Variants in CSMD1 observed in about 807,000 individuals in gnomAD.
The protein encoded by CSMD1 is CUB and sushi domain-containing protein 1.
CSMD1 carries 213 observed loss-of-function variants against 417.5 expected under a neutral mutation model. That is an observed-to-expected ratio of 0.51 (90% CI 0.46 to 0.57). The LOEUF (loss-of-function observed/expected upper bound fraction) is 0.57. Ranked by LOEUF, CSMD1 falls within the 20% of genes least tolerant of loss-of-function variation. CSMD1 has a pLI of 0.00. For missense variants in CSMD1, 6,923 were observed against 4,529.7 expected (o/e 1.53, Z -15.17); for synonymous variants, 2,862 against 1,736.8 (o/e 1.65, Z -16.11).
At chr8:4,494,828 TAG>T (rs1187760023) in intron 2 of CSMD1, among the ~76,000 whole-genome samples, 1 of 152,108 alleles carries the variant, frequency 6.6e-6, no homozygotes, top group African/African-American at 2.4e-5. Flanking sequence ...AGAATAAACT[TAG>T]AAAATAGAGT....
intron 18 of CSMD1, among the ~76,000 whole-genome samples, chr8:3,382,374 AC>A (rs566120140): frequency 2.7e-5 from 4 of 145,748 alleles, no homozygotes; most frequent in African/African-American, 9.9e-5. Flanking sequence ...CATTCCAATA[AC>A]TTTAGTAATT....
chr8:3,707,315 C>A (rs1801225728), intron 7 of CSMD1, among the ~76,000 whole-genome samples: 1 of 138,434 alleles, frequency 7.2e-6, no homozygotes, highest in African/African-American at 2.6e-5. Context: ...CAGAATTGAC[C>A]CGAGAGGGTT....
At chr8:3,546,787 G>C (rs186750695) in intron 10 of CSMD1, among the ~76,000 whole-genome samples, 1 of 152,188 alleles carries the variant, frequency 6.6e-6, no homozygotes, top group African/African-American at 2.4e-5. Context: ...TTTTGAACAG[G>C]ATTCTGCAGC....
At chr8:2,947,412 C>A (rs1039633595) in intron 68 of CSMD1, among the ~76,000 whole-genome samples, 1 of 152,128 alleles carries the variant, frequency 6.6e-6, no homozygotes, top group Non-Finnish European at 1.5e-5. Context: ...TACGTAAACA[C>A]AAACTTTTCT....
At chr8:3,470,902 G>C (rs1438016851) in intron 11 of CSMD1, among the ~76,000 whole-genome samples, 1 of 152,168 alleles carries the variant, frequency 6.6e-6, no homozygotes, top group Non-Finnish European at 1.5e-5. Context: ...ATATACCACA[G>C]CTTGCTTAAT....
chr8:3,912,917 G>C (rs1479623196), intron 5 of CSMD1, among the ~76,000 whole-genome samples: 2 of 152,182 alleles, frequency 1.3e-5, no homozygotes, highest in Admixed American at 1.3e-4. Context: ...AGCTATGGTG[G>C]TCATTCAGGT....
At chr8:4,654,381 C>A (rs1804095497) in intron 1 of CSMD1, among the ~76,000 whole-genome samples, 1 of 152,098 alleles carries the variant, frequency 6.6e-6, no homozygotes, top group Non-Finnish European at 1.5e-5. Context: ...GGTCTCCACC[C>A]CTCTGATGCT....
intron 1 of CSMD1, among the ~76,000 whole-genome samples, chr8:4,916,345 T>C (rs905149277): frequency 3.9e-5 from 6 of 152,186 alleles, no homozygotes; most frequent in Admixed American, 2.6e-4. Flanking sequence ...AACTTTTAAA[T>C]ATGGCAAAAC....
At chr8:3,425,404 A>G (rs1166541275) in intron 12 of CSMD1, among the ~76,000 whole-genome samples, 1 of 151,944 alleles carries the variant, frequency 6.6e-6, no homozygotes, top group Non-Finnish European at 1.5e-5. Context: ...CGTGGCCAAC[A>G]TGGTGAAACC....
At chr8:4,089,172 T>C (rs1273729171) in intron 3 of CSMD1, among the ~76,000 whole-genome samples, 9 of 152,192 alleles carry the variant, frequency 5.9e-5, no homozygotes, top group Admixed American at 5.2e-4. Context: ...CCCCACTCTT[T>C]ATGGTGACAA....
intron 1 of CSMD1, among the ~76,000 whole-genome samples, chr8:4,646,296 T>C (rs80119279): frequency 0.013 from 2,045 of 152,292 alleles, 57 homozygotes; most frequent in African/African-American, 0.046. Context: ...CTTAATGAAA[T>C]TCCCAGTGAT....
chr8:4,706,799 T>C (rs1222572587), intron 1 of CSMD1, among the ~76,000 whole-genome samples: 1 of 152,216 alleles, frequency 6.6e-6, no homozygotes, highest in Non-Finnish European at 1.5e-5. Context: ...AGAAAGACAG[T>C]GCTTGACTTG....
chr8:3,416,015 T>C (rs182281801), intron 12 of CSMD1, among the ~76,000 whole-genome samples: 5 of 152,214 alleles, frequency 3.3e-5, no homozygotes, highest in Admixed American at 3.3e-4. Context: ...AAAATAAGTG[T>C]TCTTGGCTGG....
chr8:4,040,170 T>A (rs1056004711), intron 3 of CSMD1, among the ~76,000 whole-genome samples: 2 of 152,198 alleles, frequency 1.3e-5, no homozygotes, highest in African/African-American at 2.4e-5. Flanking sequence ...AATGCTAGCA[T>A]AGTTGTAATG....
chr8:2,997,681 T>C (rs532500597), intron 54 of CSMD1, among the ~76,000 whole-genome samples: 1 of 152,322 alleles, frequency 6.6e-6, no homozygotes, highest in East Asian at 1.9e-4. Context: ...AAGACAGTCA[T>C]AAAATTAGAA....
At chr8:3,712,363 T>A (rs1200147210) in intron 6 of CSMD1, among the ~76,000 whole-genome samples, 2 of 146,392 alleles carry the variant, frequency 1.4e-5, no homozygotes, top group African/African-American at 5.0e-5. Context: ...GATTTTCATT[T>A]GCAAAGAAAC....
At chr8:3,751,383 A>G (rs1256384696) in intron 6 of CSMD1, among the ~76,000 whole-genome samples, 2 of 147,860 alleles carry the variant, frequency 1.4e-5, no homozygotes, top group South Asian at 2.1e-4. Flanking sequence ...TTATTTATAT[A>G]TTTCTTATAT....
At chr8:4,017,534 G>T (rs367925491) in intron 4 of CSMD1, among the ~76,000 whole-genome samples, 2 of 152,094 alleles carry the variant, frequency 1.3e-5, no homozygotes, top group Non-Finnish European at 2.9e-5. Context: ...TCGAACTCCC[G>T]ATCTCAGATG....
chr8:4,645,544 A>G (rs1048207936), intron 1 of CSMD1, among the ~76,000 whole-genome samples: 1 of 151,530 alleles, frequency 6.6e-6, no homozygotes, highest in African/African-American at 2.4e-5. Context: ...TTAAGCCTTG[A>G]ACATATTGCC....
Sources: allele counts gnomAD v4.1 joint callset (sites outside exome capture counted in the v4.1 genomes callset), GRCh38; gene constraint gnomAD v4.1.1; transcripts MANE v1.5; gene names NCBI Gene and HGNC (gene_info 2026-07-23, HGNC 2026-07-21).